Variants in TBC1D1 observed in about 807,000 individuals in gnomAD.
TBC1D1 encodes the protein TBC1 domain family member 1.
Under a neutral mutation model 125.6 loss-of-function variants are expected in TBC1D1, and 89 were observed. That is an observed-to-expected ratio of 0.71 (90% CI 0.60 to 0.85). The LOEUF is 0.85. Ranked by LOEUF, TBC1D1 falls within the 40% of genes least tolerant of loss-of-function variation. TBC1D1 has a pLI of 0.00. For missense variants in TBC1D1, 1,377 were observed against 1,469.2 expected (o/e 0.94, Z 1.03); for synonymous variants, 565 against 564.1 (o/e 1.00, Z -0.02).
At chr4:37,961,733 G>A (rs140036076) in intron 2 of TBC1D1, among the ~76,000 whole-genome samples, 1 of 152,232 alleles carries the variant, frequency 6.6e-6, no homozygotes, top group Non-Finnish European at 1.5e-5. Flanking sequence ...GTGAGTGGTG[G>A]TTATGTCTCT....
intron 18 of TBC1D1, among the ~76,000 whole-genome samples, chr4:38,130,505 T>C (rs1299015036): frequency 6.6e-6 from 1 of 152,156 alleles, no homozygotes; most frequent in Admixed American, 6.5e-5. Context: ...CTGAAAACTA[T>C]GAAGAACCTA....
At chr4:38,023,499 C>G (rs78351781) in intron 6 of TBC1D1, among the ~76,000 whole-genome samples, 1,655 of 152,316 alleles carry the variant, frequency 0.011, 29 homozygotes, top group African/African-American at 0.038. Context: ...CAACTCCGCT[C>G]CTTCTCAGCC....
intron 6 of TBC1D1, among the ~76,000 whole-genome samples, chr4:38,021,925 G>A (rs1001665969): frequency 1.3e-5 from 2 of 152,162 alleles, no homozygotes; most frequent in East Asian, 3.8e-4. Flanking sequence ...TAAGAACCCA[G>A]AACCCCCTTC....
intron 10 of TBC1D1, among the ~76,000 whole-genome samples, chr4:38,049,127 A>G (rs1750011760): frequency 6.6e-6 from 1 of 152,210 alleles, no homozygotes; most frequent in Non-Finnish European, 1.5e-5. Flanking sequence ...TATTCTAAGA[A>G]TATTGATACA....
intron 12 of TBC1D1, among the ~76,000 whole-genome samples, chr4:38,061,770 C>A (rs2152497569): frequency 6.6e-6 from 1 of 152,144 alleles, no homozygotes; most frequent in South Asian, 2.1e-4. Flanking sequence ...AACAGTAATG[C>A]CTAAACTGAA....
At chr4:37,892,033 G>T (rs1344119141) in intron 1 of TBC1D1, among the ~76,000 whole-genome samples, 1 of 152,050 alleles carries the variant, frequency 6.6e-6, no homozygotes, top group Non-Finnish European at 1.5e-5. Context: ...GCTTTAAAAA[G>T]AAATTGAAAG....
intron 2 of TBC1D1, among the ~76,000 whole-genome samples, chr4:37,984,522 C>T (rs925943360): frequency 1.3e-5 from 2 of 152,092 alleles, no homozygotes; most frequent in Admixed American, 1.3e-4. Flanking sequence ...GTCCTACTCC[C>T]TTTCTTTTGA....
chr4:38,054,305 C>G lies in TBC1D1; in HGVS notation c.2017C>G (p.Gln673Glu), dbSNP rs1236559280. 6.2e-7 allele frequency: 1 copy of G among 1,614,186 alleles called. No individual in the cohort carries two copies. The highest frequency in any genetic ancestry group is 2.2e-5 in the East Asian group (1 of 44,882). The stretch of plus-strand genomic sequence containing the variant: ...GATATTCCTCCGAGTAGCCACCCCG[C>G]AGAAGGCGTGCGATTCTTCCAGCAG... The change falls in exon 12 of 20, where the codon CAG (glutamine) becomes GAG (glutamate). Residue 673 changes from glutamine (Q) to glutamate (E), a missense_variant. Physicochemically the swap from Gln to Glu is conservative, Grantham distance 29 (BLOSUM62 2). Transcript: ENST00000261439.
intron 2 of TBC1D1, chr4:37,951,969 T>C (rs926626748): frequency 2.8e-6 from 2 of 717,354 alleles, no homozygotes; most frequent in African/African-American, 3.5e-5. Flanking sequence ...CACCTATGTG[T>C]TCTCAGACTA....
At chr4:38,066,361 C>G (rs903131297) in intron 12 of TBC1D1, among the ~76,000 whole-genome samples, 2 of 150,654 alleles carry the variant, frequency 1.3e-5, no homozygotes, top group African/African-American at 4.9e-5. Context: ...CAGGGTCTTG[C>G]TCTGTCACCC....
intron 2 of TBC1D1, among the ~76,000 whole-genome samples, chr4:38,001,354 C>T (rs1367410932): frequency 3.9e-5 from 6 of 152,148 alleles, no homozygotes; most frequent in Non-Finnish European, 5.9e-5. Context: ...CTAGCAACAC[C>T]TCGATAAGTT....
intron 2 of TBC1D1, among the ~76,000 whole-genome samples, chr4:37,942,794 A>G (rs1725853546): frequency 6.6e-6 from 1 of 151,816 alleles, no homozygotes; most frequent in African/African-American, 2.4e-5. Context: ...CCCATCTTGC[A>G]CTCCCAAAGT....
At chr4:37,912,344 T>C (rs1718803029) in intron 2 of TBC1D1, among the ~76,000 whole-genome samples, 1 of 152,180 alleles carries the variant, frequency 6.6e-6, no homozygotes, top group African/African-American at 2.4e-5. Flanking sequence ...ATGTATGCTG[T>C]AAGTAGAAAA....
intron 2 of TBC1D1, among the ~76,000 whole-genome samples, chr4:37,938,283 A>G (rs1724817292): frequency 6.6e-6 from 1 of 152,170 alleles, no homozygotes; most frequent in Non-Finnish European, 1.5e-5. Flanking sequence ...TTTTTCTGGG[A>G]TTTTAAAGAA....
chr4:37,996,597 A>G (rs1737859119), intron 2 of TBC1D1, among the ~76,000 whole-genome samples: 1 of 152,284 alleles, frequency 6.6e-6, no homozygotes, highest in African/African-American at 2.4e-5. Flanking sequence ...GTTTTACTCA[A>G]GAATGCAGTT....
intron 2 of TBC1D1, among the ~76,000 whole-genome samples, chr4:37,909,395 T>C (rs988863050): frequency 1.3e-5 from 2 of 152,226 alleles, no homozygotes; most frequent in African/African-American, 4.8e-5. Context: ...TACCCATTAC[T>C]AATTTGTTTT....
At chr4:37,892,248 A>G (rs778179131) in intron 1 of TBC1D1, among the ~76,000 whole-genome samples, 20 of 152,160 alleles carry the variant, frequency 1.3e-4, no homozygotes, top group Non-Finnish European at 2.5e-4. Context: ...TACAAGTTCA[A>G]ACTTCTAAAC....
Position 38,125,372 on chromosome 4 carries a change from A to G in TBC1D1, c.3132+241A>G, listed in dbSNP as rs1004733817. ...GCAATGTTTAGCTGTAGAAACCAGC[A>G]CAGGTTATTAGTAGTTTCTTACATT... On this transcript the variant is annotated intron_variant, in intron 18 of 19. Coordinates refer to ENST00000261439, the MANE Select transcript of TBC1D1 (RefSeq NM_015173.4). Among the ~76,000 whole-genome samples, 3 of 152,364 alleles carry G rather than the reference A, an allele frequency of 2.0e-5. No individual in the cohort carries two copies. In the East Asian group the frequency reaches 5.8e-4, roughly 29 times the overall value.
intron 1 of TBC1D1, among the ~76,000 whole-genome samples, chr4:37,897,961 A>G (rs1017853618): frequency 3.9e-5 from 6 of 152,258 alleles, no homozygotes; most frequent in African/African-American, 1.4e-4. Flanking sequence ...CAGGGACTTT[A>G]CTTTCATGAA....
Sources: gnomAD v4.1 joint callset for allele counts (sites outside exome capture counted in the v4.1 genomes callset) on GRCh38, gnomAD v4.1.1 for gene constraint, MANE v1.5 for transcripts, NCBI Gene and HGNC (gene_info 2026-07-23, HGNC 2026-07-21) for gene names.